Variants in OLFM3 observed in about 807,000 individuals in gnomAD.
OLFM3 encodes noelin-3.
In OLFM3, 20 loss-of-function variants were observed where a neutral mutation model predicts 48.6. That is an observed-to-expected ratio of 0.41 (90% CI 0.29 to 0.60). The LOEUF (loss-of-function observed/expected upper bound fraction) is 0.60, where lower values mean the gene tolerates loss of function less well. Among genes scored for constraint, OLFM3 ranks in the 20% least tolerant of loss-of-function variants. OLFM3 has a pLI of 0.28. For missense variants in OLFM3, 437 were observed against 544.3 expected (o/e 0.80, Z 1.96); for synonymous variants, 222 against 198.1 (o/e 1.12, Z -1.01).
chr1:101,821,180 G>T (rs544725211), intron 4 of OLFM3, among the ~76,000 whole-genome samples: 194 of 152,090 alleles, frequency 1.3e-3, no homozygotes, highest in African/African-American at 4.6e-3. Flanking sequence ...TATTAGCCTT[G>T]GAGTTCAAGG....
chr1:101,977,787 T>G (rs188198498), intron 1 of OLFM3, among the ~76,000 whole-genome samples: 1 of 152,164 alleles, frequency 6.6e-6, no homozygotes, highest in African/African-American at 2.4e-5. Context: ...TTGTGGTTTC[T>G]TTTTTCTCTT....
At chr1:101,850,942 AAGG>A (rs946753001) in intron 1 of OLFM3, among the ~76,000 whole-genome samples, 1 of 80,978 alleles carries the variant, frequency 1.2e-5, no homozygotes, top group African/African-American at 3.4e-5. Flanking sequence ...AAGAGATAAG[AAGG>A]AGGACAGCAA....
chr1:101,966,317 T>TTTTGTGTGTGTGTGTG (rs371512942), intron 1 of OLFM3, among the ~76,000 whole-genome samples: 9,703 of 127,324 alleles, frequency 0.076, 397 homozygotes, highest in Middle Eastern at 0.11. Context: ...CCTGGCTAAT[T>TTTTGTGTGTGTGTGTG]TGTGTGTGTG....
intron 1 of OLFM3, among the ~76,000 whole-genome samples, chr1:101,860,650 C>A (rs1284240305): frequency 6.6e-6 from 1 of 152,054 alleles, no homozygotes; most frequent in Non-Finnish European, 1.5e-5. Context: ...TCTCATAACA[C>A]TTCCATCAAC....
chr1:101,904,482 G>A (rs1032890133), intron 1 of OLFM3, among the ~76,000 whole-genome samples: 2 of 152,080 alleles, frequency 1.3e-5, no homozygotes, highest in Admixed American at 6.6e-5. Flanking sequence ...AAGAGTGGAT[G>A]AGAATGAGTT....
intron 2 of OLFM3, among the ~76,000 whole-genome samples, chr1:101,836,593 G>A (rs1655421395): frequency 8.5e-6 from 1 of 117,094 alleles, no homozygotes; most frequent in African/African-American, 2.7e-5. Flanking sequence ...AGAATAAGAT[G>A]CTTTTTTTTT....
intron 1 of OLFM3, among the ~76,000 whole-genome samples, chr1:101,948,104 G>A (rs183661861): frequency 6.6e-6 from 1 of 152,014 alleles, no homozygotes. Flanking sequence ...GGAGATGCAA[G>A]CCTTTTTAAC....
rs376753415 is a variant in OLFM3, at chr1:101,883,488, G to T, written c.70-46463C>A. 1.3e-3 allele frequency among the ~76,000 whole-genome samples: 190 copies of T among 151,834 alleles called. 1 individual carries two copies. Among genetic ancestry groups the T allele is most frequent in the African/African-American group, 4.2e-3 (174 of 41,460 alleles). ...ATAAGCTCCCCAAGTGGTAGGAGGAGTACCTCCTATTGTATATTTCAGAAT... is the reference window on the plus strand; with the variant it reads ...ATAAGCTCCCCAAGTGGTAGGAGGATTACCTCCTATTGTATATTTCAGAAT... On this transcript the variant is annotated intron_variant, in intron 1 of 5. Transcript: ENST00000370103.
intron 1 of OLFM3, among the ~76,000 whole-genome samples, chr1:101,849,771 A>AT (rs768578769): frequency 3.9e-5 from 6 of 152,230 alleles, no homozygotes; most frequent in African/African-American, 7.2e-5. Flanking sequence ...GACTGAATAA[A>AT]TGTGACGCAG....
intron 1 of OLFM3, among the ~76,000 whole-genome samples, chr1:101,906,233 T>C (rs1277224475): frequency 6.6e-6 from 1 of 152,054 alleles, no homozygotes; most frequent in East Asian, 1.9e-4. Context: ...TCTTATATCA[T>C]CACTAAATTA....
intron 2 of OLFM3, among the ~76,000 whole-genome samples, chr1:101,836,140 C>T (rs1366914443): frequency 6.6e-6 from 1 of 152,154 alleles, no homozygotes; most frequent in Admixed American, 6.5e-5. Flanking sequence ...CATTTAGAAT[C>T]CAAACACGTC....
intron 1 of OLFM3, among the ~76,000 whole-genome samples, chr1:101,920,301 T>C (rs771683913): frequency 3.9e-5 from 6 of 152,186 alleles, no homozygotes; most frequent in Non-Finnish European, 7.4e-5. Flanking sequence ...TATAAACTCC[T>C]GCATTCTCTG....
At chr1:101,951,920 T>C (rs759040422) in intron 1 of OLFM3, among the ~76,000 whole-genome samples, 1 of 152,138 alleles carries the variant, frequency 6.6e-6, no homozygotes, top group Non-Finnish European at 1.5e-5. Context: ...GGATTGTAAA[T>C]GGAAAGGTGT....
rs1057391337 is a variant in OLFM3, at chr1:101,821,542, G to A, written c.592+3484C>T. On this transcript the variant is annotated intron_variant, in intron 4 of 5. Transcript: ENST00000370103. ...TTGTAATTAAGGGTTGTGGTCCAGC[G>A]GATAAAATATCCTCTTTGCTCAGGA... Among the ~76,000 whole-genome samples, 7 of 151,984 alleles carry A rather than the reference G, an allele frequency of 4.6e-5. No homozygotes were observed. The East Asian group carries it at 5.8e-4, about 13-fold the overall frequency.
At chr1:101,824,395 T>C (rs572352101) in intron 4 of OLFM3, among the ~76,000 whole-genome samples, 1 of 152,274 alleles carries the variant, frequency 6.6e-6, no homozygotes, top group South Asian at 2.1e-4. Flanking sequence ...CAGACCAGAT[T>C]GGACCACACA....
chr1:101,916,876 T>C (rs1256089716), intron 1 of OLFM3, among the ~76,000 whole-genome samples: 13 of 152,158 alleles, frequency 8.5e-5, no homozygotes. Context: ...ATGAATTAGA[T>C]TTTACAATAC....
rs1653542737 is a variant in OLFM3 at position 101,802,640 on chromosome 1, G to A, written c.*1598C>T. On this transcript the variant is annotated 3_prime_UTR_variant, in exon 6 of 6. Transcript: ENST00000370103. ...GATATTTGAGGATGATGCTTTACTT[G>A]TGACATTTGAAATGAATTACACTTA... 6.6e-6 allele frequency: 1 copy of A among 151,594 alleles called. No individual in the cohort carries two copies. The highest frequency in any genetic ancestry group is 1.5e-5 in the Non-Finnish European group (1 of 67,700). 9.4% of individuals were successfully genotyped at this position (151,594 alleles called of 1,614,324 possible). A position where few individuals can be genotyped will look rare whatever the true frequency, so the allele number is the denominator to read the frequency against.
At chr1:101,964,151 A>C (rs1557748979) in intron 1 of OLFM3, among the ~76,000 whole-genome samples, 1 of 152,182 alleles carries the variant, frequency 6.6e-6, no homozygotes, top group African/African-American at 2.4e-5. Context: ...GTCTTGAAGC[A>C]GATTGTAGGT....
intron 1 of OLFM3, among the ~76,000 whole-genome samples, chr1:101,874,669 A>C (rs4483430): frequency 0.51 from 77,159 of 151,674 alleles, 20,056 homozygotes; most frequent in Non-Finnish European, 0.56. Flanking sequence ...TGAGGCTCAA[A>C]AACATTAAAA....
Sources: allele counts gnomAD v4.1 joint callset (sites outside exome capture counted in the v4.1 genomes callset), GRCh38; gene constraint gnomAD v4.1.1; transcripts MANE v1.5; gene names NCBI Gene and HGNC (gene_info 2026-07-23, HGNC 2026-07-21).